ITGB1: variants seen among roughly 807,000 people sequenced by gnomAD.
The protein encoded by ITGB1 is integrin beta-1.
A neutral mutation model predicts 86.5 loss-of-function variants in ITGB1; 24 were observed. That is an observed-to-expected ratio of 0.28 (90% confidence interval 0.20 to 0.39). The LOEUF (loss-of-function observed/expected upper bound fraction) is 0.39. Among genes scored for constraint, ITGB1 ranks in the 10% least tolerant of loss-of-function variants. The probability of loss-of-function intolerance (pLI) is 1.00; values close to 1 mark genes in which losing one functional copy is unlikely to be tolerated. For synonymous variants in ITGB1, 323 were observed against 316.8 expected (o/e 1.02, Z -0.21); for missense variants, 556 against 946.9 (o/e 0.59, Z 5.42).
At chr10:32,907,406 C>T (rs967880793) in intron 15 of ITGB1, among the ~76,000 whole-genome samples, 3 of 152,100 alleles carry the variant, frequency 2.0e-5, no homozygotes, top group African/African-American at 7.2e-5. Context: ...TTTGGTTACC[C>T]CACCCTCTGA....
intron 1 of ITGB1, among the ~76,000 whole-genome samples, chr10:32,952,396 A>G (rs1291685718): frequency 6.6e-6 from 1 of 152,066 alleles, no homozygotes; most frequent in African/African-American, 2.4e-5. Context: ...TTTTTGTAAC[A>G]TTTTTCTAAC....
At chr10:32,917,519 A>G (rs1380209493) in intron 11 of ITGB1, among the ~76,000 whole-genome samples, 3 of 152,234 alleles carry the variant, frequency 2.0e-5, no homozygotes, top group Non-Finnish European at 4.4e-5. Context: ...AACCCCACCA[A>G]AAAGTGGGAG....
chr10:32,948,871 A>T (rs1212755413), intron 1 of ITGB1, among the ~76,000 whole-genome samples: 1 of 151,602 alleles, frequency 6.6e-6, no homozygotes, highest in Non-Finnish European at 1.5e-5. Context: ...AAGGAAGCAA[A>T]CCCCCCTGAA....
Position 32,920,001 on chromosome 10 carries a change from C to T in ITGB1, c.1353G>A (p.Thr451=), listed in dbSNP as rs749312525. The change falls in exon 11 of 16, where the codon ACG becomes ACA. Residue 451 remains threonine, a synonymous_variant. Coordinates refer to ENST00000302278, the MANE Select transcript of ITGB1 (RefSeq NM_002211.4). ...DSFKIRPLGF[T]EEVEVILQYI... ...ACTGAAGAATAACCTCTACTTCCTC[C>T]GTAAAGCCCAGAGGCCTAATTTTAA... is the stretch of plus-strand genomic sequence containing the variant. 5.7e-5 allele frequency: 92 copies of T among 1,613,692 alleles called. No homozygotes were observed. The highest frequency in any genetic ancestry group is 7.5e-5 in the Non-Finnish European group (88 of 1,179,772).
chr10:32,955,870 G>A (rs974006378), intron 1 of ITGB1, among the ~76,000 whole-genome samples: 1 of 152,090 alleles, frequency 6.6e-6, no homozygotes, highest in Non-Finnish European at 1.5e-5. Context: ...AATGTTGAGG[G>A]TATTAAAAAA....
At chr10:32,917,922 T>C (rs1313275169) in intron 11 of ITGB1, among the ~76,000 whole-genome samples, 2 of 148,184 alleles carry the variant, frequency 1.3e-5, no homozygotes, top group Non-Finnish European at 1.5e-5. Flanking sequence ...CTATTCACAA[T>C]AGCAAAGACT....
intron 11 of ITGB1, among the ~76,000 whole-genome samples, chr10:32,912,610 G>A (rs1391842713): frequency 3.9e-5 from 6 of 152,192 alleles, no homozygotes; most frequent in Admixed American, 1.3e-4. Flanking sequence ...CAGGGAGGCC[G>A]AGGGAGGGGT....
At chr10:32,910,092 G>T (rs1025241003) in intron 14 of ITGB1, 131 bp downstream of exon 14, 2 of 643,450 alleles carry the variant, frequency 3.1e-6, no homozygotes, top group African/African-American at 3.7e-5. Context: ...TTTAAGCTTT[G>T]AGAGATGAAA....
chr10:32,916,547 A>G (rs2094932165), intron 11 of ITGB1, among the ~76,000 whole-genome samples: 1 of 152,192 alleles, frequency 6.6e-6, no homozygotes, highest in Admixed American at 6.5e-5. Context: ...TACACCAATA[A>G]CAGACAAACA....
intron 14 of ITGB1, among the ~76,000 whole-genome samples, chr10:32,909,232 G>A (rs77944899): frequency 0.014 from 2,174 of 152,258 alleles, 27 homozygotes; most frequent in Non-Finnish European, 0.023. Context: ...GTCACCTGAT[G>A]TTCAACAAAG....
intron 5 of ITGB1, among the ~76,000 whole-genome samples, chr10:32,927,045 G>T (rs117208142): frequency 0.038 from 5,846 of 151,980 alleles, 126 homozygotes; most frequent in Non-Finnish European, 0.052. Context: ...CATTTTCTTG[G>T]CACACCAGCT....
chr10:32,955,149 A>G (rs1178392290), intron 1 of ITGB1, among the ~76,000 whole-genome samples: 1 of 152,218 alleles, frequency 6.6e-6, no homozygotes, highest in Non-Finnish European at 1.5e-5. Context: ...CAGAAGACGA[A>G]TGTACCTTTC....
chr10:32,925,863 G>A lies in ITGB1; in HGVS notation c.786+8C>T. 6.6e-7 allele frequency: 1 copy of A among 1,503,920 alleles called. No homozygotes were observed. The highest frequency in any genetic ancestry group is 2.3e-5 in the East Asian group (1 of 44,296). 93.2% of individuals were successfully genotyped at this position (1,503,920 alleles called of 1,614,324 possible). A position where few individuals can be genotyped will look rare whatever the true frequency, so the allele number is the denominator to read the frequency against. On this transcript the variant is annotated splice_region_variant and intron_variant, in intron 6 of 15. Transcript: ENST00000302278. Reference sequence around the variant, plus strand: ...CAATATCCCCTGATAGGAAATGAATGCGCTTACTCCACAAACTGCAACTTG... The same window carrying A: ...CAATATCCCCTGATAGGAAATGAATACGCTTACTCCACAAACTGCAACTTG...
intron 1 of ITGB1, among the ~76,000 whole-genome samples, chr10:32,946,517 G>A (rs2095031511): frequency 6.6e-6 from 1 of 152,078 alleles, no homozygotes; most frequent in African/African-American, 2.4e-5. Flanking sequence ...CCTCAGTGGG[G>A]CAACAAGGAT....
rs1403134823 is a variant in ITGB1 at position 32,944,493 on chromosome 10, T to C, written c.1-8935A>G. The stretch of plus-strand genomic sequence containing the variant: ...CACCAAACACTGTGAAGCACCTCTC[T>C]AGCGGAGACCTGCTCCAGGATCAAC... On this transcript the variant is annotated intron_variant, in intron 1 of 15. Transcript: ENST00000302278. 2.3e-5 allele frequency: 9 copies of C among 399,424 alleles called. No individual in the cohort carries two copies. In the East Asian group the frequency reaches 5.3e-4, roughly 24 times the overall value. The allele number at this position is 399,424 out of a possible 1,614,324, so 24.7% of individuals were successfully genotyped here. A position where few individuals can be genotyped will look rare whatever the true frequency, so the allele number is the denominator to read the frequency against.
chr10:32,907,543 T>C (rs544612908), intron 15 of ITGB1, among the ~76,000 whole-genome samples: 1 of 152,218 alleles, frequency 6.6e-6, no homozygotes, highest in East Asian at 1.9e-4. Context: ...TTAAAGTACA[T>C]AGTTCTGTGA....
chr10:32,913,635 G>C (rs549607004), intron 11 of ITGB1, among the ~76,000 whole-genome samples: 2 of 152,234 alleles, frequency 1.3e-5, no homozygotes, highest in South Asian at 4.1e-4. Flanking sequence ...AAAAAGAAAC[G>C]AACAAAGCCT....
At chr10:32,911,051 A>C (rs2094911790) in intron 13 of ITGB1, among the ~76,000 whole-genome samples, 1 of 152,244 alleles carries the variant, frequency 6.6e-6, no homozygotes, top group African/African-American at 2.4e-5. Flanking sequence ...AATCATAATA[A>C]TTTAAATAAT....
At chr10:32,926,206 T>C (rs1014108686) in intron 5 of ITGB1, 97 bp from the exon 6 acceptor site, 11 of 913,744 alleles carry the variant, frequency 1.2e-5, no homozygotes, top group Non-Finnish European at 1.9e-5. Flanking sequence ...TGTTACCAAA[T>C]GTAGGTTACT....
Sources: allele counts gnomAD v4.1 joint callset (sites outside exome capture counted in the v4.1 genomes callset), GRCh38; gene constraint gnomAD v4.1.1; transcripts MANE v1.5; gene names NCBI Gene and HGNC (gene_info 2026-07-23, HGNC 2026-07-21).